DAB1: variants seen among roughly 807,000 people sequenced by gnomAD.
DAB1 encodes DAB adaptor protein 1, also known as disabled homolog 1.
DAB1 carries 15 observed loss-of-function variants against 64.6 expected under a neutral mutation model. The ratio of observed to expected loss-of-function variants is 0.23; its 90% CI spans 0.16 to 0.36. DAB1 has a LOEUF of 0.36. Ranked by LOEUF, DAB1 falls within the 10% of genes least tolerant of loss-of-function variation. The probability of loss-of-function intolerance (pLI) is 1.00; values close to 1 mark genes in which losing one functional copy is unlikely to be tolerated. For synonymous variants in DAB1, 235 were observed against 251.9 expected (o/e 0.93, Z 0.64); for missense variants, 596 against 706.7 (o/e 0.84, Z 1.78).
At chr1:58,420,876 C>A (rs1644765104) in intron 3 of DAB1, among the ~76,000 whole-genome samples, 1 of 152,178 alleles carries the variant, frequency 6.6e-6, no homozygotes, top group African/African-American at 2.4e-5. Context: ...CTCTCCTCTG[C>A]AGTGATTTGG....
intron 5 of DAB1, among the ~76,000 whole-genome samples, chr1:57,918,372 T>G (rs1029835599): frequency 6.6e-6 from 1 of 152,116 alleles, no homozygotes; most frequent in African/African-American, 2.4e-5. Flanking sequence ...TGCAGCTTCT[T>G]GCAAGGGCTC....
chr1:57,092,319 C>T (rs1270923409), intron 4 of DAB1, among the ~76,000 whole-genome samples: 4 of 152,110 alleles, frequency 2.6e-5, no homozygotes, highest in Non-Finnish European at 2.9e-5. Context: ...GCTGTGTCCC[C>T]ATCCAAATCT....
intron 14 of DAB1, among the ~76,000 whole-genome samples, chr1:57,004,034 G>A (rs116335569): frequency 2.0e-4 from 30 of 152,186 alleles, no homozygotes; most frequent in South Asian, 1.5e-3. Context: ...CCACTACCAC[G>A]TGTTCCCTCT....
intron 5 of DAB1, among the ~76,000 whole-genome samples, chr1:57,987,501 C>T (rs767390625): frequency 2.0e-5 from 3 of 152,160 alleles, no homozygotes; most frequent in Non-Finnish European, 2.9e-5. Flanking sequence ...AGCTGAGATC[C>T]CCAAGATTCA....
intron 4 of DAB1, among the ~76,000 whole-genome samples, chr1:58,289,264 T>A (rs940770683): frequency 1.3e-5 from 2 of 152,208 alleles, no homozygotes; most frequent in African/African-American, 4.8e-5. Flanking sequence ...ATCTAGTGTA[T>A]CCTCTTAGCA....
At chr1:58,190,555 C>A (rs1163201489) in intron 4 of DAB1, among the ~76,000 whole-genome samples, 1 of 152,176 alleles carries the variant, frequency 6.6e-6, no homozygotes, top group African/African-American at 2.4e-5. Context: ...ACAAACCACT[C>A]CAACTAGAAA....
intron 5 of DAB1, among the ~76,000 whole-genome samples, chr1:57,969,930 G>C (rs572777132): frequency 6.6e-6 from 1 of 152,008 alleles, no homozygotes; most frequent in Non-Finnish European, 1.5e-5. Flanking sequence ...ATGGTATTAA[G>C]AGGTGGGGCC....
At chr1:57,588,300 T>G (rs376244301) in intron 7 of DAB1, among the ~76,000 whole-genome samples, 169 of 152,350 alleles carry the variant, frequency 1.1e-3, no homozygotes, top group African/African-American at 3.9e-3. Context: ...AAAGGCATGG[T>G]GTTTTCTTAA....
intron 5 of DAB1, among the ~76,000 whole-genome samples, chr1:58,091,414 T>C (rs1273640041): frequency 6.6e-6 from 1 of 152,052 alleles, no homozygotes; most frequent in Non-Finnish European, 1.5e-5. Context: ...GCTCCCCACA[T>C]GTGTCCCATT....
intron 3 of DAB1, among the ~76,000 whole-genome samples, chr1:58,505,308 A>G (rs1244354687): frequency 2.0e-5 from 3 of 152,206 alleles, no homozygotes. Flanking sequence ...CAATTCTTAA[A>G]TTGCTAAAAA....
chr1:57,314,292 T>C (rs1290640317), intron 1 of DAB1, among the ~76,000 whole-genome samples: 2 of 152,278 alleles, frequency 1.3e-5, no homozygotes, highest in African/African-American at 4.8e-5. Flanking sequence ...GTCCTTGTTA[T>C]TAATTTTTGA....
intron 7 of DAB1, among the ~76,000 whole-genome samples, chr1:57,454,087 G>A (rs1432646264): frequency 6.6e-6 from 1 of 152,082 alleles, no homozygotes; most frequent in Non-Finnish European, 1.5e-5. Flanking sequence ...TAAGGTGCTT[G>A]TGGGTTAGGT....
At chr1:57,700,858 G>T (rs1646898287) in intron 6 of DAB1, among the ~76,000 whole-genome samples, 1 of 152,042 alleles carries the variant, frequency 6.6e-6, no homozygotes, top group South Asian at 2.1e-4. Flanking sequence ...TCTATATCTT[G>T]TAGGTGGTTT....
chr1:58,525,938 G>A (rs1334185634), intron 2 of DAB1, among the ~76,000 whole-genome samples: 4 of 151,936 alleles, frequency 2.6e-5, no homozygotes, highest in African/African-American at 9.7e-5. Context: ...AGACACTGAA[G>A]TCTGGTGAAA....
chr1:58,477,568 T>C (rs1428486962), intron 3 of DAB1, among the ~76,000 whole-genome samples: 3 of 152,052 alleles, frequency 2.0e-5, no homozygotes, highest in Non-Finnish European at 1.5e-5. Context: ...CCTGCCATGG[T>C]GATTGCTTCA....
At chr1:57,115,874 G>A (rs1454911775) in intron 4 of DAB1, among the ~76,000 whole-genome samples, 1 of 152,184 alleles carries the variant, frequency 6.6e-6, no homozygotes, top group Non-Finnish European at 1.5e-5. Flanking sequence ...AGACTGGGTT[G>A]AAACATCTCT....
intron 4 of DAB1, among the ~76,000 whole-genome samples, chr1:57,097,218 T>C (rs1210126804): frequency 6.6e-6 from 1 of 152,208 alleles, no homozygotes; most frequent in Non-Finnish European, 1.5e-5. Flanking sequence ...ACCTGATGTA[T>C]ATTACCCTGG....
At chr1:57,041,781 T>C (rs1647823343) in intron 9 of DAB1, among the ~76,000 whole-genome samples, 1 of 152,238 alleles carries the variant, frequency 6.6e-6, no homozygotes, top group African/African-American at 2.4e-5. Flanking sequence ...ACCTACTTGA[T>C]GGGATTTTGA....
At chr1:58,447,273 A>C (rs7519488) in intron 3 of DAB1, among the ~76,000 whole-genome samples, 6,228 of 152,308 alleles carry the variant, frequency 0.041, 362 homozygotes, top group African/African-American at 0.12. Flanking sequence ...TGAGGGGATG[A>C]AATAATGGCG....
Sources: allele counts gnomAD v4.1 joint callset (sites outside exome capture counted in the v4.1 genomes callset), GRCh38; gene constraint gnomAD v4.1.1; transcripts MANE v1.5; gene names NCBI Gene and HGNC (gene_info 2026-07-23, HGNC 2026-07-21).